PTBP1: variants seen among roughly 807,000 people sequenced by gnomAD.
The protein encoded by PTBP1 is polypyrimidine tract-binding protein 1.
Under a neutral mutation model 59.8 loss-of-function variants are expected in PTBP1, and 8 were observed. That is an observed-to-expected ratio of 0.13 (90% CI 0.08 to 0.24). PTBP1 has a LOEUF of 0.24. Among genes scored for constraint, PTBP1 ranks in the 10% least tolerant of loss-of-function variants. The probability of loss-of-function intolerance (pLI) is 1.00; values close to 1 mark genes in which losing one functional copy is unlikely to be tolerated. For synonymous variants in PTBP1, 490 were observed against 320.7 expected (o/e 1.53, Z -5.64); for missense variants, 686 against 767.0 (o/e 0.89, Z 1.25).
At chr19:806,903 C>T (rs1282995504) in intron 10 of PTBP1, 4 of 202,368 alleles carry the variant, frequency 2.0e-5, no homozygotes, top group Admixed American at 1.8e-4. Flanking sequence ...AGGGTTAGCG[C>T]GGCGGGGTGT....
At chr19:809,050 C>A (rs542462861) in intron 13 of PTBP1, among the ~76,000 whole-genome samples, 18 of 152,238 alleles carry the variant, frequency 1.2e-4, no homozygotes, top group Non-Finnish European at 2.4e-4. Context: ...GCTTTGTCAC[C>A]CAGGCTGGAG....
At chr19:803,892 CCT>C in intron 3 of PTBP1, 142 bp from the exon 4 acceptor site, 2 of 977,332 alleles carry the variant, frequency 2.0e-6, no homozygotes, top group South Asian at 1.6e-5. Flanking sequence ...CAGGTCTTGG[CCT>C]CTCGCGCTGC....
chr19:805,901 T>C, intron 9 of PTBP1: 1 of 368,370 alleles, frequency 2.7e-6, no homozygotes, highest in Non-Finnish European at 5.1e-6. Context: ...TTGAGTGGCC[T>C]GGTAAGCGCG....
chr19:805,057 C>T lies in PTBP1; in HGVS notation c.762C>T (p.Arg254=). 1.2e-6 allele frequency: 2 copies of T among 1,613,874 alleles called. No individual in the cohort carries two copies. The highest frequency in any genetic ancestry group is 1.1e-5 in the South Asian group (1 of 91,086). Residue 254 remains arginine, a synonymous_variant, in exon 8 of 15, where the codon CGC becomes CGT. Transcript: ENST00000356948. The part of the protein sequence containing the change: ...QNIYNACCTL[R]IDFSKLTSLN... The stretch of plus-strand genomic sequence containing the variant: ...TCTACAACGCCTGCTGCACGCTGCG[C>T]ATCGACTTTTCCAAGCTCACCAGCC...
Position 804,906 on chromosome 19 carries a change from T to C in PTBP1, c.684T>C (p.Tyr228=), listed in dbSNP as rs2034492241. The C allele has an allele frequency of 6.2e-7, 1 of 1,613,850 alleles. No individual in the cohort carries two copies. The highest frequency in any genetic ancestry group is 8.5e-7 in the Non-Finnish European group (1 of 1,179,864). The change falls in exon 7 of 15, where the codon TAT becomes TAC. Residue 228 remains tyrosine, a synonymous_variant. Transcript: ENST00000356948. ...ACCAGTTCCAGGCCCTGCTGCAGTA[T>C]GCGGACCCCGTGAGCGCCCAGCACG... ...KNNQFQALLQ[Y]ADPVSAQHAK... is the part of the protein sequence containing the mutation.
At chr19:797,929 C>T (rs1412294194) in intron 1 of PTBP1, among the ~76,000 whole-genome samples, 4 of 148,778 alleles carry the variant, frequency 2.7e-5, no homozygotes, top group Admixed American at 1.3e-4. Flanking sequence ...TCCCCGTTGG[C>T]CCCAGCGCGC....
At chr19:807,444 C>G (rs530388856) in intron 10 of PTBP1, 1 of 170,432 alleles carries the variant, frequency 5.9e-6, no homozygotes, top group African/African-American at 2.4e-5. Flanking sequence ...GTGTGCCCGT[C>G]GAGGTAAACC....
chr19:808,824 C>G lies in PTBP1; in HGVS notation c.1463+62C>G. On this transcript the variant is annotated intron_variant, in intron 13 of 14. Coordinates refer to ENST00000356948, the MANE Select transcript of PTBP1 (RefSeq NM_002819.5). The surrounding 1 kb of genome is among the most constrained non-coding windows in gnomAD (Gnocchi z 4.7). The stretch of plus-strand genomic sequence containing the variant: ...CGGGCAAGGGCTCTGCTTGGCTGTC[C>G]TACCGCGTCGGTGTGTGGACTTCTG... 3.4e-6 allele frequency: 5 copies of G among 1,490,034 alleles called. No homozygotes were observed. Among genetic ancestry groups the G allele is most frequent in the South Asian group, 2.4e-5 (2 of 83,992 alleles). The allele number at this position is 1,490,034 out of a possible 1,614,324, so 92.3% of individuals were successfully genotyped here. A position where few individuals can be genotyped will look rare whatever the true frequency, so the allele number is the denominator to read the frequency against.
chr19:808,407 G>C lies in PTBP1; in HGVS notation c.1201G>C (p.Glu401Gln). 6.2e-7 allele frequency: 1 copy of C among 1,607,560 alleles called. No homozygotes were observed. The highest frequency in any genetic ancestry group is 2.2e-5 in the East Asian group (1 of 44,722). ...CGTGAAGATCCTGTTCAATAAGAAG[G>C]AGAACGCCCTAGTGCAGATGGCGGA... ...QRVKILFNKK[E>Q]NALVQMADGN... The change falls in exon 12 of 15, where the codon GAG (glutamate) becomes CAG (glutamine). Residue 401 changes from glutamate to glutamine, a missense_variant. Coordinates refer to ENST00000356948, the MANE Select transcript of PTBP1 (RefSeq NM_002819.5). This position sits in a 1 kb window ranked among gnomAD's most constrained non-coding sequence, Gnocchi z 4.7.
intron 8 of PTBP1, 84 bp downstream of exon 8, chr19:805,271 G>T: frequency 2.0e-6 from 3 of 1,492,548 alleles, no homozygotes; most frequent in Non-Finnish European, 2.7e-6. Flanking sequence ...CACGGGCCCG[G>T]CCCTGCACCA....
Position 806,671 on chromosome 19 carries a change from C to G in PTBP1, c.1119+115C>G, listed in dbSNP as rs565347716. ...CCCCTCGCTGTGTCTGCGCCTCTGC[C>G]CTGGCAGCCCCTCTGCTGCAGCGCT... On this transcript the variant is annotated intron_variant, in intron 10 of 14. Transcript: ENST00000356948. 792 of 1,026,816 alleles carry G rather than the reference C, an allele frequency of 7.7e-4. 3 individuals are homozygous for G. The African/African-American group carries it at 0.013, about 16-fold the overall frequency. The allele number at this position is 1,026,816 out of a possible 1,614,324, so 63.6% of individuals were successfully genotyped here.
chr19:810,431 C>G (rs1364873651), intron 13 of PTBP1, 112 bp from the exon 14 acceptor site: 2 of 826,620 alleles, frequency 2.4e-6, no homozygotes, highest in Middle Eastern at 3.1e-4. Flanking sequence ...TCCTAAAAGG[C>G]CCTACGCCTT....
chr19:804,460 C>G (rs369468610), intron 5 of PTBP1, 22 bp downstream of exon 5: 1 of 1,605,096 alleles, frequency 6.2e-7, no homozygotes, highest in Non-Finnish European at 8.5e-7. Flanking sequence ...CGCGGCGGAC[C>G]CCAGCAGCCC....
At chr19:809,649 T>TG (rs984441543) in intron 13 of PTBP1, among the ~76,000 whole-genome samples, 1 of 152,064 alleles carries the variant, frequency 6.6e-6, no homozygotes, top group Non-Finnish European at 1.5e-5. Context: ...CCCAGTACTG[T>TG]GGGGGGCCGG....
intron 1 of PTBP1, among the ~76,000 whole-genome samples, chr19:798,972 C>G (rs111352086): frequency 6.6e-6 from 1 of 152,272 alleles, no homozygotes; most frequent in African/African-American, 2.4e-5. Context: ...TCTTGGGGGC[C>G]CACCCCTACC....
Position 808,820 on chromosome 19 carries a change from T to G in PTBP1, c.1463+58T>G. 6.0e-6 allele frequency: 9 copies of G among 1,510,196 alleles called. No individual in the cohort carries two copies. Among genetic ancestry groups the G allele is most frequent in the Non-Finnish European group, 8.1e-6 (9 of 1,106,100 alleles). The allele number at this position is 1,510,196 out of a possible 1,614,324, so 93.5% of individuals were successfully genotyped here. A position where few individuals can be genotyped will look rare whatever the true frequency, so the allele number is the denominator to read the frequency against. On this transcript the variant is annotated intron_variant, in intron 13 of 14. Transcript: ENST00000356948. This position sits in a 1 kb window ranked among gnomAD's most constrained non-coding sequence, Gnocchi z 4.7. ...GGGGCGGGCAAGGGCTCTGCTTGGC[T>G]GTCCTACCGCGTCGGTGTGTGGACT...
Position 811,138 on chromosome 19 carries a change from C to A in PTBP1, c.*312C>A, listed in dbSNP as rs967587957. On this transcript the variant is annotated 3_prime_UTR_variant, in exon 15 of 15. Coordinates refer to ENST00000356948, the MANE Select transcript of PTBP1 (RefSeq NM_002819.5). ...GGGGCCTGCAGGTGGGCGCCCCGAC[C>A]ACGACTTGGCTTCCTTGTGCCTTAA... The A allele has an allele frequency of 1.6e-5, 4 of 257,736 alleles. No individual in the cohort carries two copies. Among genetic ancestry groups the A allele is most frequent in the Non-Finnish European group, 2.2e-5 (3 of 137,094 alleles). 16.0% of individuals were successfully genotyped at this position (257,736 alleles called of 1,614,324 possible). A position where few individuals can be genotyped will look rare whatever the true frequency, so the allele number is the denominator to read the frequency against.
rs772757567 is a variant in PTBP1 at position 808,589 on chromosome 19, C to T, written c.1290C>T (p.Ile430=). The change falls in exon 13 of 15, where the codon ATC becomes ATT. Residue 430 remains isoleucine (I), a synonymous_variant. Coordinates refer to ENST00000356948, the MANE Select transcript of PTBP1 (RefSeq NM_002819.5). The surrounding 1 kb of genome is among the most constrained non-coding windows in gnomAD (Gnocchi z 4.7). ...GGCACAAGCTGCACGGGAAGCCCAT[C>T]CGCATCACGCTCTCGAAGCACCAGA... The part of the protein sequence containing the change: ...LNGHKLHGKP[I]RITLSKHQNV... 6.2e-7 allele frequency: 1 copy of T among 1,606,480 alleles called. No homozygotes were observed.
intron 1 of PTBP1, among the ~76,000 whole-genome samples, chr19:798,716 A>G (rs192668666): frequency 1.2e-4 from 19 of 152,310 alleles, no homozygotes; most frequent in African/African-American, 4.3e-4. Context: ...GGCCGGGAGA[A>G]GCCGTGGGGA....
Sources: allele counts gnomAD v4.1 joint callset (sites outside exome capture counted in the v4.1 genomes callset), GRCh38; gene constraint gnomAD v4.1.1; non-coding constraint Gnocchi (gnomAD v3.1); transcripts MANE v1.5; gene names NCBI Gene and HGNC (gene_info 2026-07-23, HGNC 2026-07-21).